The following SYTL5 variants were observed in gnomAD, a reference collection of about 807,000 sequenced individuals.
SYTL5 encodes synaptotagmin-like protein 5.
A neutral mutation model predicts 55.9 loss-of-function variants in SYTL5; 34 were observed. The ratio of observed to expected loss-of-function variants is 0.61; its 90% CI spans 0.46 to 0.81. The LOEUF is 0.81. Among genes scored for constraint, SYTL5 ranks in the 30% least tolerant of loss-of-function variants. The pLI is 0.00. For missense variants in SYTL5, 637 were observed against 546.7 expected (o/e 1.17, Z -1.65); for synonymous variants, 221 against 188.7 (o/e 1.17, Z -1.40).
upstream of SYTL5, among the ~76,000 whole-genome samples, chrX:38,001,955 G>A (rs921140369): frequency 1.8e-5 from 2 of 110,378 alleles, no homozygotes; most frequent in Non-Finnish European, 3.8e-5. Flanking sequence ...ATGCTGGTGT[G>A]CTGCACCCAT....
the SYTL5 span, among the ~76,000 whole-genome samples, chrX:37,936,165 A>G: frequency 1.8e-5 from 2 of 112,502 alleles, no homozygotes; most frequent in Admixed American, 1.9e-4. Flanking sequence ...ATCCAACAAG[A>G]AGATATGAAA....
Position 38,112,133 on chromosome X carries a change from C to T in SYTL5, c.1596+1651C>T, listed in dbSNP as rs747494978. On this transcript the variant is annotated intron_variant, in intron 13 of 16. Transcript: ENST00000297875. ...AATACCATGGGTCCTCTGCCAGATA[C>T]CCTTAGGTTCCTAACCATGTCTTTT... Among the ~76,000 whole-genome samples, 67 of 111,604 alleles carry T rather than the reference C, an allele frequency of 6.0e-4. 1 individual carries two copies. The highest frequency in any genetic ancestry group is 3.8e-3 in the Admixed American group (40 of 10,537).
chrX:38,045,539 T>C (rs763433878), intron 2 of SYTL5, among the ~76,000 whole-genome samples: 1 of 112,292 alleles, frequency 8.9e-6, no homozygotes. Context: ...GGTATATTCC[T>C]ATGAGCCAAG....
the SYTL5 span, among the ~76,000 whole-genome samples, chrX:37,966,111 T>C: frequency 8.9e-6 from 1 of 111,884 alleles, no homozygotes; most frequent in African/African-American, 3.3e-5. Flanking sequence ...CAATTTTTCT[T>C]AGGGAATCAT....
the SYTL5 span, among the ~76,000 whole-genome samples, chrX:37,929,790 T>C: frequency 1.8e-5 from 2 of 111,960 alleles, no homozygotes; most frequent in African/African-American, 3.2e-5. Context: ...CTTTGACAAA[T>C]ATGTTATTAG....
chrX:38,072,044 T>C lies in SYTL5; in HGVS notation c.330-3T>C. 2 of 1,182,015 alleles carry C rather than the reference T, an allele frequency of 1.7e-6. No individual in the cohort carries two copies. ...CAATGCTCTTCCCTTTTCCCTTGAGTAGGCAGCTAAGGATTATAACTGGTG... is the reference window on the plus strand; with the variant it reads ...CAATGCTCTTCCCTTTTCCCTTGAGCAGGCAGCTAAGGATTATAACTGGTG... On this transcript the variant is annotated splice_polypyrimidine_tract_variant and splice_region_variant and intron_variant, in intron 3 of 16. Transcript: ENST00000297875.
At chrX:38,056,155 T>G (rs752662059) in intron 3 of SYTL5, among the ~76,000 whole-genome samples, 2 of 111,890 alleles carry the variant, frequency 1.8e-5, no homozygotes, top group African/African-American at 3.2e-5. Flanking sequence ...TTCCACTCTC[T>G]ATGTCCATGA....
chrX:38,067,329 A>G (rs1300940736), intron 3 of SYTL5, among the ~76,000 whole-genome samples: 1 of 108,750 alleles, frequency 9.2e-6, no homozygotes, highest in African/African-American at 3.4e-5. Flanking sequence ...TCTGTCACAC[A>G]TGAAACTGCT....
Position 38,089,446 on chromosome X carries a change from G to A in SYTL5, c.690G>A (p.Arg230=). 2.5e-6 allele frequency: 3 copies of A among 1,204,529 alleles called. No individual in the cohort carries two copies. The highest frequency in any genetic ancestry group is 3.4e-6 in the Non-Finnish European group (3 of 892,707). The change falls in exon 7 of 17, where the codon AGG becomes AGA. Residue 230 remains arginine (R), a splice_region_variant and synonymous_variant. Coordinates refer to ENST00000297875, the MANE Select transcript of SYTL5 (RefSeq NM_138780.3). Reference sequence around the variant, plus strand: ...AGTCAGAATATGCTTTCTCATTTAGGGGAAGCACTGGCTCATCAGATCTCA... The same window carrying A: ...AGTCAGAATATGCTTTCTCATTTAGAGGAAGCACTGGCTCATCAGATCTCA... ...RSLKSPPGSD[R]GSTGSSDLND...
At chrX:38,076,862 G>A (rs1467161594) in intron 6 of SYTL5, among the ~76,000 whole-genome samples, 161 bp downstream of exon 6, 2 of 111,814 alleles carry the variant, frequency 1.8e-5, no homozygotes, top group Non-Finnish European at 3.8e-5. Context: ...GATATGGAAA[G>A]CACGTACCCT....
chrX:38,077,944 G>A (rs1475055263), intron 6 of SYTL5, among the ~76,000 whole-genome samples: 1 of 111,826 alleles, frequency 8.9e-6, no homozygotes, highest in African/African-American at 3.2e-5. Flanking sequence ...AAGGCAGGAA[G>A]ATTGCTTGAG....
At chrX:37,989,942 G>A in the SYTL5 span, among the ~76,000 whole-genome samples, 3 of 110,581 alleles carry the variant, frequency 2.7e-5, no homozygotes, top group African/African-American at 9.9e-5. Flanking sequence ...GCACGATCTC[G>A]GCTCACTGCA....
At chrX:38,116,928 T>C (rs1395828770) in intron 13 of SYTL5, among the ~76,000 whole-genome samples, 4 of 112,270 alleles carry the variant, frequency 3.6e-5, no homozygotes, top group Non-Finnish European at 7.5e-5. Context: ...AAGTGTGAAT[T>C]AATAGATCCT....
intron 3 of SYTL5, among the ~76,000 whole-genome samples, chrX:38,055,998 G>A (rs1007859757): frequency 9.0e-6 from 1 of 111,183 alleles, no homozygotes; most frequent in Non-Finnish European, 1.9e-5. Flanking sequence ...ATTTTTAAAT[G>A]TAAAATTAAA....
the SYTL5 span, among the ~76,000 whole-genome samples, chrX:37,987,479 T>G: frequency 7.2e-3 from 813 of 112,649 alleles, 4 homozygotes; most frequent in Non-Finnish European, 0.013. Context: ...TCTTTCCTAC[T>G]AGACTGGATG....
At chrX:37,989,710 TTAG>T in the SYTL5 span, among the ~76,000 whole-genome samples, 1 of 111,681 alleles carries the variant, frequency 9.0e-6, no homozygotes, top group African/African-American at 3.3e-5. Context: ...AAACACAGAA[TTAG>T]TAGAGAAGAA....
At chrX:37,962,411 T>C in the SYTL5 span, among the ~76,000 whole-genome samples, 1 of 111,939 alleles carries the variant, frequency 8.9e-6, no homozygotes, top group Admixed American at 9.5e-5. Flanking sequence ...AACTCATCTT[T>C]TTTATGGCTG....
the SYTL5 span, chrX:37,949,500 T>C: frequency 1.8e-5 from 2 of 112,117 alleles, no homozygotes; most frequent in South Asian, 3.7e-4. Flanking sequence ...CCTCATTGAT[T>C]AAATCTGGAA....
the SYTL5 span, among the ~76,000 whole-genome samples, chrX:37,902,524 A>T: frequency 1.1e-4 from 12 of 112,184 alleles, no homozygotes; most frequent in African/African-American, 3.6e-4. Context: ...TTAGTGTGTG[A>T]TTTTGAAAAA....
Sources: allele counts gnomAD v4.1 joint callset (sites outside exome capture counted in the v4.1 genomes callset), GRCh38; gene constraint gnomAD v4.1.1; transcripts MANE v1.5; gene names NCBI Gene and HGNC (gene_info 2026-07-23, HGNC 2026-07-21).